Variants in PDE11A observed in about 807,000 individuals in gnomAD.
PDE11A encodes dual 3',5'-cyclic-AMP and -GMP phosphodiesterase 11A.
In PDE11A, 100 loss-of-function variants were observed where a neutral mutation model predicts 100.5. That is an observed-to-expected ratio of 1.00 (90% confidence interval 0.85 to 1.18). The LOEUF (loss-of-function observed/expected upper bound fraction) is 1.18. Ranked by LOEUF, PDE11A falls within the 50% of genes most tolerant of loss-of-function variation. PDE11A has a pLI of 0.00. For synonymous variants in PDE11A, 381 were observed against 420.8 expected (o/e 0.91, Z 1.16); for missense variants, 1,141 against 1,152.6 (o/e 0.99, Z 0.15).
intron 2 of PDE11A, among the ~76,000 whole-genome samples, chr2:178,000,646 A>T (rs2086133217): frequency 6.6e-6 from 1 of 152,248 alleles, no homozygotes; most frequent in South Asian, 2.1e-4. Context: ...TATCTACCTC[A>T]TAGCTGTATA....
chr2:177,946,037 G>A (rs868509746), intron 2 of PDE11A, among the ~76,000 whole-genome samples: 4,964 of 108,920 alleles, frequency 0.046, no homozygotes, highest in East Asian at 0.098. Flanking sequence ...CAGCCGCCCC[G>A]TCCGGGAGGG....
intron 19 of PDE11A, among the ~76,000 whole-genome samples, chr2:177,655,476 T>A (rs1272067526): frequency 2.0e-5 from 3 of 152,182 alleles, no homozygotes; most frequent in Admixed American, 1.3e-4. Context: ...ATTCTTCTAT[T>A]AATGAGTCCT....
At chr2:177,649,181 G>T (rs557454566) in intron 19 of PDE11A, among the ~76,000 whole-genome samples, 27 of 151,986 alleles carry the variant, frequency 1.8e-4, no homozygotes, top group Non-Finnish European at 3.2e-4. Flanking sequence ...AATGTAAATT[G>T]GTTCAAACTC....
intron 5 of PDE11A, among the ~76,000 whole-genome samples, chr2:177,848,885 T>G (rs2083649048): frequency 6.6e-6 from 1 of 152,082 alleles, no homozygotes; most frequent in South Asian, 2.1e-4. Flanking sequence ...TGTGTGAAAA[T>G]AAAAAGACTA....
chr2:177,989,190 GA>G (rs1212914781), intron 2 of PDE11A, among the ~76,000 whole-genome samples: 1 of 152,100 alleles, frequency 6.6e-6, no homozygotes, highest in Non-Finnish European at 1.5e-5. Context: ...TATTACATCA[GA>G]AAATACACAA....
In PDE11A at chr2:178,031,080, C is replaced by A. The variant is rs550712227; in HGVS notation, c.913-16620G>T. Among the ~76,000 whole-genome samples the A allele has an allele frequency of 1.6e-4, 24 of 152,182 alleles. No individual in the cohort carries two copies. In the South Asian group the frequency reaches 5.0e-3, roughly 32 times the overall value. On this transcript the variant is annotated intron_variant, in intron 1 of 19. Transcript: ENST00000286063. ...ATTAATAGTGTAAGGTAAAAAAATT[C>A]ATATCTTTATAAAGGCAGAAAAAGT...
At chr2:177,674,721 T>A (rs111353866) in intron 17 of PDE11A, among the ~76,000 whole-genome samples, 15 of 152,306 alleles carry the variant, frequency 9.8e-5, no homozygotes, top group African/African-American at 3.6e-4. Flanking sequence ...AATGAGATAG[T>A]ATATATAAAG....
At chr2:177,691,339 C>T (rs11677821) in intron 15 of PDE11A, among the ~76,000 whole-genome samples, 103,920 of 152,092 alleles carry the variant, frequency 0.68, 38,825 homozygotes, top group East Asian at 0.81. Context: ...AGACTGGGTC[C>T]GAGTATCACT....
chr2:177,917,700 T>C (rs1324292462), intron 2 of PDE11A, among the ~76,000 whole-genome samples: 1 of 152,216 alleles, frequency 6.6e-6, no homozygotes, highest in African/African-American at 2.4e-5. Flanking sequence ...GGAAGATATG[T>C]AATAATCTCA....
intron 4 of PDE11A, among the ~76,000 whole-genome samples, chr2:177,884,707 T>C (rs74539991): frequency 0.011 from 1,739 of 152,268 alleles, 27 homozygotes; most frequent in East Asian, 0.075. Flanking sequence ...CCAGTGCATG[T>C]TTAAAAAGAA....
At chr2:177,988,638 C>T (rs1051441289) in intron 2 of PDE11A, among the ~76,000 whole-genome samples, 2 of 152,166 alleles carry the variant, frequency 1.3e-5, no homozygotes, top group Non-Finnish European at 2.9e-5. Flanking sequence ...TTACACTGGG[C>T]TCTATAAATT....
chr2:177,661,912 G>A (rs1172876589), intron 19 of PDE11A, among the ~76,000 whole-genome samples: 1 of 152,138 alleles, frequency 6.6e-6, no homozygotes, highest in Non-Finnish European at 1.5e-5. Context: ...AAAGGTCAGG[G>A]GTGAGCAGGA....
At chr2:177,930,045 G>A (rs1266572376) in intron 2 of PDE11A, among the ~76,000 whole-genome samples, 1 of 152,156 alleles carries the variant, frequency 6.6e-6, no homozygotes, top group Admixed American at 6.5e-5. Flanking sequence ...ATCTGTATGT[G>A]ATTTGGCAGT....
intron 10 of PDE11A, among the ~76,000 whole-genome samples, chr2:177,752,488 G>A (rs754046128): frequency 9.2e-5 from 14 of 152,258 alleles, no homozygotes; most frequent in Admixed American, 2.0e-4. Flanking sequence ...GTCTCATAGA[G>A]TTGTGAATAA....
intron 19 of PDE11A, among the ~76,000 whole-genome samples, chr2:177,636,675 G>C (rs2080043245): frequency 6.6e-6 from 1 of 152,118 alleles, no homozygotes; most frequent in African/African-American, 2.4e-5. Context: ...AAACTGCAGG[G>C]TTTCTCTACC....
intron 5 of PDE11A, among the ~76,000 whole-genome samples, chr2:177,847,321 A>G (rs2083617289): frequency 6.6e-6 from 1 of 152,182 alleles, no homozygotes. Flanking sequence ...TGGAAGTTTA[A>G]ATTAATATTA....
At chr2:177,973,234 C>T (rs1359365169) in intron 2 of PDE11A, among the ~76,000 whole-genome samples, 1 of 135,066 alleles carries the variant, frequency 7.4e-6, no homozygotes, top group African/African-American at 2.8e-5. Flanking sequence ...GTGTGCGCAC[C>T]GTGCGCGAGC....
chr2:177,812,837 T>C (rs1179270025), intron 9 of PDE11A, among the ~76,000 whole-genome samples: 2 of 152,208 alleles, frequency 1.3e-5, no homozygotes, highest in Admixed American at 1.3e-4. Flanking sequence ...TCCTAAGAGA[T>C]ACACAGGTGC....
chr2:178,071,430 C>A lies in PDE11A; in HGVS notation c.912+96G>T, dbSNP rs556166342. The A allele has an allele frequency of 3.4e-5, 51 of 1,511,144 alleles. No homozygotes were observed. The East Asian group carries it at 5.6e-4, about 17-fold the overall frequency. The allele number at this position is 1,511,144 out of a possible 1,614,324, so 93.6% of individuals were successfully genotyped here. ...ATAGCAAAATTTGTATTGTAAAGAG[C>A]CTAAATTAATGTGTTCCTGGATGCC... On this transcript the variant is annotated intron_variant, in intron 1 of 19. Coordinates refer to ENST00000286063, the MANE Select transcript of PDE11A (RefSeq NM_016953.4).
Sources: gnomAD v4.1 joint callset for allele counts (sites outside exome capture counted in the v4.1 genomes callset) on GRCh38, gnomAD v4.1.1 for gene constraint, MANE v1.5 for transcripts, NCBI Gene and HGNC (gene_info 2026-07-23, HGNC 2026-07-21) for gene names.